Variants in TRIM9 observed in about 807,000 individuals in gnomAD.
TRIM9 encodes tripartite motif containing 9, also known as E3 ubiquitin-protein ligase TRIM9.
A neutral mutation model predicts 78.3 loss-of-function variants in TRIM9; 26 were observed. The ratio of observed to expected loss-of-function variants is 0.33; its 90% CI spans 0.24 to 0.46. TRIM9 has a LOEUF of 0.46. TRIM9 is among the 20% of genes least tolerant of loss of function. The pLI, the probability that TRIM9 is intolerant of heterozygous loss-of-function variation, is 1.00. For missense variants in TRIM9, 787 were observed against 1,036.4 expected, an observed-to-expected ratio of 0.76 and a Z score of 3.30; for synonymous variants, 398 against 416.5, an observed-to-expected ratio of 0.96 and a Z score of 0.54.
intron 1 of TRIM9, among the ~76,000 whole-genome samples, chr14:51,064,815 A>ACTT (rs1287340933): frequency 1.3e-5 from 2 of 152,128 alleles, no homozygotes; most frequent in Non-Finnish European, 2.9e-5. Flanking sequence ...AAGCAATATA[A>ACTT]CTTCTGAATA....
intron 1 of TRIM9, chr14:51,091,278 C>T (rs1566656679): frequency 6.6e-6 from 1 of 152,114 alleles, no homozygotes; most frequent in Non-Finnish European, 1.5e-5. Flanking sequence ...TAAACTGCAG[C>T]CATTTTATTA....
chr14:51,073,652 G>A (rs1028328968), intron 1 of TRIM9, among the ~76,000 whole-genome samples: 5 of 152,186 alleles, frequency 3.3e-5, no homozygotes, highest in Admixed American at 2.0e-4. Flanking sequence ...GCTCTGGACT[G>A]GAAGGGAGCA....
At chr14:51,064,317 T>G (rs1295361943) in intron 1 of TRIM9, among the ~76,000 whole-genome samples, 1 of 151,900 alleles carries the variant, frequency 6.6e-6, no homozygotes, top group Non-Finnish European at 1.5e-5. Context: ...TAGTAAAAAT[T>G]ACAAACAAGC....
Position 51,043,321 on chromosome 14 carries a change from C to T in TRIM9, c.823-17961G>A, listed in dbSNP as rs1462056415. 2.6e-5 allele frequency among the ~76,000 whole-genome samples: 4 copies of T among 152,178 alleles called. No homozygotes were observed. In the East Asian group the frequency reaches 5.8e-4, roughly 22 times the overall value. On this transcript the variant is annotated intron_variant, in intron 1 of 12. Transcript: ENST00000684578. The stretch of plus-strand genomic sequence containing the variant: ...CCTTGAGAGCAGAAGGCAGCTGAGA[C>T]ATGCAGCCGGAGGAAGGAGTTTCCA...
intron 3 of TRIM9, among the ~76,000 whole-genome samples, chr14:51,019,608 A>G (rs748881861): frequency 2.6e-4 from 39 of 152,244 alleles, no homozygotes; most frequent in Non-Finnish European, 4.0e-4. Flanking sequence ...TATCATAGAA[A>G]ACAAGCCCCT....
At chr14:51,030,817 C>T (rs1311811659) in intron 1 of TRIM9, among the ~76,000 whole-genome samples, 1 of 152,012 alleles carries the variant, frequency 6.6e-6, no homozygotes, top group Non-Finnish European at 1.5e-5. Context: ...TAGGGATTTG[C>T]TCCATTAAAC....
intron 1 of TRIM9, among the ~76,000 whole-genome samples, chr14:51,093,630 C>G (rs763336490): frequency 6.6e-6 from 1 of 152,246 alleles, no homozygotes; most frequent in South Asian, 2.1e-4. Context: ...GACCCTCCGC[C>G]GTGCCTCACC....
chr14:51,029,056 A>T (rs574904427), intron 1 of TRIM9, among the ~76,000 whole-genome samples: 44 of 152,202 alleles, frequency 2.9e-4, no homozygotes, highest in African/African-American at 1.0e-3. Context: ...ATCCCGCCCA[A>T]TGCCTGACTT....
chr14:51,009,352 C>G (rs1825194241), intron 4 of TRIM9, 119 bp from the exon 5 acceptor site: 7 of 1,242,600 alleles, frequency 5.6e-6, no homozygotes, highest in Non-Finnish European at 6.7e-6. Context: ...CATACTCTGA[C>G]TGCCTCAGTG....
intron 6 of TRIM9, among the ~76,000 whole-genome samples, chr14:51,000,293 A>G (rs1472575849): frequency 6.6e-6 from 1 of 152,226 alleles, no homozygotes; most frequent in Non-Finnish European, 1.5e-5. Flanking sequence ...ATTTTGTATG[A>G]ATTATCTAAT....
At chr14:51,031,393 A>C (rs2058724926) in intron 1 of TRIM9, among the ~76,000 whole-genome samples, 1 of 152,136 alleles carries the variant, frequency 6.6e-6, no homozygotes, top group African/African-American at 2.4e-5. Flanking sequence ...ATGTTGTTCC[A>C]TTGAATACCT....
chr14:50,997,747 A>G (rs1484938114), intron 7 of TRIM9: 12 of 1,316,958 alleles, frequency 9.1e-6, no homozygotes, highest in African/African-American at 2.9e-5. Context: ...TGTCTTACAC[A>G]CCAGGGGCAC....
At chr14:51,067,338 C>G (rs2061835407) in intron 1 of TRIM9, among the ~76,000 whole-genome samples, 1 of 152,142 alleles carries the variant, frequency 6.6e-6, no homozygotes, top group African/African-American at 2.4e-5. Context: ...GTCCTAGCCA[C>G]CATCACCTCT....
chr14:51,001,378 C>A, intron 5 of TRIM9, among the ~76,000 whole-genome samples: 1 of 151,782 alleles, frequency 6.6e-6, no homozygotes, highest in African/African-American at 2.4e-5. Context: ...TACAGGCGCC[C>A]GCCACCACGC....
At chr14:50,988,719 A>G (rs1354718887) in intron 7 of TRIM9, among the ~76,000 whole-genome samples, 1 of 152,198 alleles carries the variant, frequency 6.6e-6, no homozygotes, top group Non-Finnish European at 1.5e-5. Flanking sequence ...ATGAATTACA[A>G]GAGAGAAACA....
At chr14:51,010,989 C>T (rs2056500452) in intron 3 of TRIM9, among the ~76,000 whole-genome samples, 1 of 152,158 alleles carries the variant, frequency 6.6e-6, no homozygotes, top group African/African-American at 2.4e-5. Context: ...CTCCCCACAG[C>T]CCCACGGTCA....
chr14:51,003,455 A>G lies in TRIM9; in HGVS notation c.1307-2615T>C, dbSNP rs553447220. 7.0e-4 allele frequency among the ~76,000 whole-genome samples: 107 copies of G among 152,364 alleles called. 1 individual carries two copies. The highest frequency in any genetic ancestry group is 1.6e-3 in the Admixed American group (25 of 15,304). The stretch of plus-strand genomic sequence containing the variant: ...TTTCATCAATTACAAAAATCAAAGA[A>G]TAAGATCACAGATGGTTTCAACTTA... On this transcript the variant is annotated intron_variant, in intron 5 of 12. Coordinates refer to ENST00000684578, the MANE Select transcript of TRIM9 (RefSeq NM_001387360.1).
Position 51,039,755 on chromosome 14 carries a change from CT to C in TRIM9, c.823-14396del, listed in dbSNP as rs34171875. Reference sequence around the variant, plus strand: ...ATTATAAATTATATTTTTAAATAAACTTTTTTTTTTTGAGGCGGAGTCTCTC... The same window carrying C: ...ATTATAAATTATATTTTTAAATAAACTTTTTTTTTTGAGGCGGAGTCTCTC... On this transcript the variant is annotated intron_variant, in intron 1 of 12. Transcript: ENST00000684578. 1.6e-3 allele frequency among the ~76,000 whole-genome samples: 237 copies of C among 147,908 alleles called. 2 individuals are homozygous for C. Among genetic ancestry groups the C allele is most frequent in the African/African-American group, 4.8e-3 (192 of 40,370 alleles).
chr14:51,088,789 T>C (rs953850942), intron 1 of TRIM9, among the ~76,000 whole-genome samples: 2 of 152,182 alleles, frequency 1.3e-5, no homozygotes, highest in South Asian at 2.1e-4. Context: ...TTCTGCTTCA[T>C]TGAATCAAAA....
Sources: allele counts gnomAD v4.1 joint callset (sites outside exome capture counted in the v4.1 genomes callset), GRCh38; gene constraint gnomAD v4.1.1; transcripts MANE v1.5; gene names NCBI Gene and HGNC (gene_info 2026-07-23, HGNC 2026-07-21).